GVQW3: variants seen among roughly 807,000 people sequenced by gnomAD.
GVQW3 encodes GVQW motif containing 3.
GVQW3 carries 7 observed loss-of-function variants against 12.5 expected under a neutral mutation model. The ratio of observed to expected loss-of-function variants is 0.56; its 90% confidence interval spans 0.32 to 1.05. GVQW3 has a LOEUF of 1.05. GVQW3 is among the 50% of genes least tolerant of loss of function. The probability of loss-of-function intolerance (pLI) is 0.04; values close to 1 mark genes in which losing one functional copy is unlikely to be tolerated. For missense variants in GVQW3, 188 were observed against 190.8 expected (o/e 0.99, Z 0.09); for synonymous variants, 71 against 67.2 (o/e 1.06, Z -0.28).
intron 1 of GVQW3, among the ~76,000 whole-genome samples, chr11:76,394,321 T>G (rs1437326336): frequency 2.0e-5 from 3 of 152,120 alleles, no homozygotes; most frequent in Non-Finnish European, 4.4e-5. Context: ...CCATCCCCTT[T>G]TCCCCCCACC....
At chr11:76,401,499 C>T (rs917902641) in intron 1 of GVQW3, among the ~76,000 whole-genome samples, 6 of 151,960 alleles carry the variant, frequency 3.9e-5, no homozygotes, top group Admixed American at 6.6e-5. Context: ...TCTTGCCGGG[C>T]GTGGTGGCTC....
intron 1 of GVQW3, among the ~76,000 whole-genome samples, chr11:76,395,594 C>G (rs1946931675): frequency 6.6e-6 from 1 of 152,170 alleles, no homozygotes; most frequent in Non-Finnish European, 1.5e-5. Context: ...AGCCATTTCT[C>G]TATTCTCGAT....
chr11:76,408,433 C>A (rs1166034957), downstream of GVQW3: 1 of 152,222 alleles, frequency 6.6e-6, no homozygotes. Context: ...AGGCTTACCT[C>A]ATATAAAGCT....
In GVQW3 at chr11:76,381,805, G is replaced by C; in HGVS notation, c.-24G>C. On this transcript the variant is annotated 5_prime_UTR_variant, in exon 1 of 2. Transcript: ENST00000529331. The stretch of plus-strand genomic sequence containing the variant: ...CCCTTACAGTCGTGGCCTGTTAAAC[G>C]TTCCTGTGTTGTTCAGTGCCAGAAT... 6.7e-7 allele frequency: 1 copy of C among 1,495,394 alleles called. No homozygotes were observed. The allele number at this position is 1,495,394 out of a possible 1,614,324, so 92.6% of individuals were successfully genotyped here.
chr11:76,412,958 G>C (rs1947091332), downstream of GVQW3: 2 of 152,230 alleles, frequency 1.3e-5, no homozygotes, highest in Admixed American at 1.3e-4. Flanking sequence ...AAAGCCTAGA[G>C]CTGCAGCTGA....
At chr11:76,397,752 G>A (rs11236742) in intron 1 of GVQW3, among the ~76,000 whole-genome samples, 79,465 of 152,024 alleles carry the variant, frequency 0.52, 21,604 homozygotes, top group South Asian at 0.63. Context: ...AGCATAATGT[G>A]GTAAAATAAT....
At position 76,406,253 on chromosome 11, in the gene GVQW3, G is replaced by C. The variant is rs1947038391; in HGVS notation, c.*2495G>C. ...CTCCCAAAATGCTGGGACTATAGGT[G>C]TGAGCCACTGCACCTGGCCTGGAGC... On this transcript the variant is annotated 3_prime_UTR_variant, in exon 2 of 2. Transcript: ENST00000529331. 6.6e-6 allele frequency: 1 copy of C among 152,294 alleles called. No homozygotes were observed. The highest frequency in any genetic ancestry group is 2.4e-5 in the African/African-American group (1 of 41,400). The allele number at this position is 152,294 out of a possible 1,614,324, so 9.4% of individuals were successfully genotyped here.
At chr11:76,395,409 A>T (rs1254218349) in intron 1 of GVQW3, among the ~76,000 whole-genome samples, 1 of 152,166 alleles carries the variant, frequency 6.6e-6, no homozygotes, top group African/African-American at 2.4e-5. Flanking sequence ...ATACTGTGTT[A>T]CTTATTTTGT....
At chr11:76,385,485 C>T (rs1395218839) in intron 1 of GVQW3, among the ~76,000 whole-genome samples, 1 of 152,226 alleles carries the variant, frequency 6.6e-6, no homozygotes, top group Admixed American at 6.5e-5. Flanking sequence ...AGACACCTCT[C>T]AGTTTATTCT....
downstream of GVQW3, chr11:76,412,192 C>T (rs1276326972): frequency 1.3e-5 from 2 of 152,198 alleles, no homozygotes; most frequent in South Asian, 2.1e-4. Context: ...TCTTGGCCAC[C>T]TTGAGAAGCT....
intron 1 of GVQW3, among the ~76,000 whole-genome samples, chr11:76,393,521 C>A (rs748084578): frequency 2.6e-5 from 4 of 152,076 alleles, no homozygotes; most frequent in Non-Finnish European, 5.9e-5. Context: ...TTTTGGACAC[C>A]AACTTTTTGA....
At position 76,382,223 on chromosome 11, in the gene GVQW3, C is replaced by A. The variant is rs1287132532; in HGVS notation, c.395C>A (p.Pro132Gln). The A allele has an allele frequency of 6.5e-7, 1 of 1,535,968 alleles. No homozygotes were observed. The highest frequency in any genetic ancestry group is 2.0e-5 in the Admixed American group (1 of 50,980). The change falls in exon 1 of 2, where the codon CCA becomes CAA. Residue 132 changes from proline (P) to glutamine (Q), a missense_variant. Transcript: ENST00000529331. ...ISGVLKGEPKPRKLDFRSDLS... is the reference protein window; with the variant it reads ...ISGVLKGEPKQRKLDFRSDLS... The stretch of plus-strand genomic sequence containing the variant: ...GGTGTTTTGAAGGGTGAGCCTAAAC[C>A]ACGAAAACTTGACTTTCGGTCCGAT...
intron 1 of GVQW3, among the ~76,000 whole-genome samples, chr11:76,402,079 A>G (rs540891659): frequency 6.6e-6 from 1 of 152,264 alleles, no homozygotes; most frequent in Admixed American, 6.5e-5. Context: ...CTTAAGCCCT[A>G]TCTCCTACTC....
Position 76,406,471 on chromosome 11 carries a change from CTT to C in GVQW3, c.*2715_*2716del, listed in dbSNP as rs150987617. 1.3e-5 allele frequency: 2 copies of C among 152,314 alleles called. No individual in the cohort carries two copies. Among genetic ancestry groups the C allele is most frequent in the South Asian group, 2.1e-4 (1 of 4,828 alleles). 9.4% of individuals were successfully genotyped at this position (152,314 alleles called of 1,614,324 possible). ...TACTGCCCAGAACTCCTCTGGGACTCTTTGCAAGTTGCAAAAGACCTCAATCT... is the reference window on the plus strand; with the variant it reads ...TACTGCCCAGAACTCCTCTGGGACTCTGCAAGTTGCAAAAGACCTCAATCT... On this transcript the variant is annotated 3_prime_UTR_variant, in exon 2 of 2. Coordinates refer to ENST00000529331, the MANE Select transcript of GVQW3 (RefSeq NM_001347885.2).
rs36229661 is a variant in GVQW3, at chr11:76,407,576, C to CAAAAAAA, written c.*3839_*3845dup. 1.1e-5 allele frequency: 1 copy of CAAAAAAA among 88,554 alleles called. No individual in the cohort carries two copies. The highest frequency in any genetic ancestry group is 2.4e-5 in the Non-Finnish European group (1 of 42,116). 5.5% of individuals were successfully genotyped at this position (88,554 alleles called of 1,614,324 possible). ...TGGGCGGCAGAGCAAGACTCCCTCT[C>CAAAAAAA]AAAAAAAAAAAAAAAAAAAAAAAAA... On this transcript the variant is annotated 3_prime_UTR_variant, in exon 2 of 2. Coordinates refer to ENST00000529331, the MANE Select transcript of GVQW3 (RefSeq NM_001347885.2).
chr11:76,395,031 G>A (rs1946927012), intron 1 of GVQW3: 1 of 150,964 alleles, frequency 6.6e-6, no homozygotes, highest in Admixed American at 6.6e-5. Context: ...ACATCTGATT[G>A]TTCCATGTTC....
intron 1 of GVQW3, among the ~76,000 whole-genome samples, chr11:76,398,730 G>C (rs1016552288): frequency 6.6e-6 from 1 of 152,224 alleles, no homozygotes; most frequent in Non-Finnish European, 1.5e-5. Context: ...TGAAGTGCTA[G>C]GATTATAGGT....
At chr11:76,402,565 A>G (rs914470390) in intron 1 of GVQW3, among the ~76,000 whole-genome samples, 8 of 151,946 alleles carry the variant, frequency 5.3e-5, no homozygotes, top group African/African-American at 1.9e-4. Flanking sequence ...AAAAAAAAAA[A>G]AGATTTGCAT....
rs1444742767 is a variant in GVQW3, at chr11:76,406,597, A to G, written c.*2839A>G. ...ACTTTTGACTATTGCCAAAAATCAA[A>G]AATCATTCCCTGAAAACAGAATCTA... On this transcript the variant is annotated 3_prime_UTR_variant, in exon 2 of 2. Transcript: ENST00000529331. 1 of 152,268 alleles carries G rather than the reference A, an allele frequency of 6.6e-6. No homozygotes were observed. Among genetic ancestry groups the G allele is most frequent in the East Asian group, 1.9e-4 (1 of 5,206 alleles). 9.4% of individuals were successfully genotyped at this position (152,268 alleles called of 1,614,324 possible).
Sources: gnomAD v4.1 joint callset for allele counts (sites outside exome capture counted in the v4.1 genomes callset) on GRCh38, gnomAD v4.1.1 for gene constraint, MANE v1.5 for transcripts, NCBI Gene and HGNC (gene_info 2026-07-23, HGNC 2026-07-21) for gene names.